PAPPA2: variants seen among roughly 807,000 people sequenced by gnomAD.
PAPPA2 encodes pappalysin-2.
A neutral mutation model predicts 176.4 loss-of-function variants in PAPPA2; 86 were observed. The observed-to-expected ratio is 0.49, with a 90% CI of 0.41 to 0.58. PAPPA2 has a LOEUF of 0.58. Among genes scored for constraint, PAPPA2 ranks in the 20% least tolerant of loss-of-function variants. PAPPA2 has a pLI of 0.00. For missense variants in PAPPA2, 2,073 were observed against 2,256.9 expected, an observed-to-expected ratio of 0.92 and a Z score of 1.65; for synonymous variants, 809 against 852.2, an observed-to-expected ratio of 0.95 and a Z score of 0.88.
At chr1:176,792,713 A>AT (rs1467827981) in intron 19 of PAPPA2, among the ~76,000 whole-genome samples, 2 of 151,352 alleles carry the variant, frequency 1.3e-5, no homozygotes, top group Non-Finnish European at 2.9e-5. Context: ...AAGTATAATA[A>AT]AAAAAAAGTT....
chr1:176,830,015 G>T (rs896485299), intron 21 of PAPPA2, among the ~76,000 whole-genome samples: 2 of 152,194 alleles, frequency 1.3e-5, no homozygotes, highest in Non-Finnish European at 2.9e-5. Flanking sequence ...CTGTTTTCAG[G>T]TGATATTTTG....
chr1:176,687,245 T>G (rs1051800273), intron 4 of PAPPA2, among the ~76,000 whole-genome samples: 1 of 152,182 alleles, frequency 6.6e-6, no homozygotes, highest in African/African-American at 2.4e-5. Flanking sequence ...TAAGTGTTGT[T>G]TGGTTAAAAC....
intron 2 of PAPPA2, among the ~76,000 whole-genome samples, chr1:176,564,726 T>TC (rs1553364504): frequency 2.0e-5 from 3 of 150,718 alleles, no homozygotes; most frequent in African/African-American, 7.4e-5. Flanking sequence ...CCTTTTCTTT[T>TC]TTTTTTTTTT....
chr1:176,494,515 A>G (rs182303335), intron 1 of PAPPA2, among the ~76,000 whole-genome samples: 191 of 152,288 alleles, frequency 1.3e-3, no homozygotes, highest in Non-Finnish European at 2.3e-3. Context: ...CACCAGCAAA[A>G]CTTTTGGCAT....
chr1:176,725,745 A>G (rs1036199026), intron 12 of PAPPA2, among the ~76,000 whole-genome samples: 1 of 152,226 alleles, frequency 6.6e-6, no homozygotes, highest in Admixed American at 6.5e-5. Context: ...CATTTTAATC[A>G]TAACAGATTT....
chr1:176,742,157 T>G (rs1662707932), intron 14 of PAPPA2, among the ~76,000 whole-genome samples: 1 of 152,232 alleles, frequency 6.6e-6, no homozygotes, highest in Admixed American at 6.5e-5. Context: ...TTCTTTCTCA[T>G]TAAACTCTGA....
At chr1:176,691,926 C>T (rs1223510315) in intron 5 of PAPPA2, among the ~76,000 whole-genome samples, 200 bp from the exon 6 acceptor site, 1 of 152,218 alleles carries the variant, frequency 6.6e-6, no homozygotes, top group Admixed American at 6.5e-5. Context: ...TGCTGCATCT[C>T]TGGTCTCTGT....
At chr1:176,485,284 A>G (rs912892433) in intron 1 of PAPPA2, among the ~76,000 whole-genome samples, 1 of 152,192 alleles carries the variant, frequency 6.6e-6, no homozygotes, top group African/African-American at 2.4e-5. Flanking sequence ...ATGGCTTTCA[A>G]GTCCCTAATG....
intron 6 of PAPPA2, 125 bp from the exon 7 acceptor site, chr1:176,695,613 A>T: frequency 9.5e-7 from 1 of 1,048,286 alleles, no homozygotes; most frequent in Non-Finnish European, 1.4e-6. Context: ...GTTCTTAGTT[A>T]CTCTCTAGGT....
chr1:176,614,020 A>G (rs1165398984), intron 3 of PAPPA2, among the ~76,000 whole-genome samples: 2 of 152,186 alleles, frequency 1.3e-5, no homozygotes, highest in Non-Finnish European at 2.9e-5. Flanking sequence ...GCCACAGGAG[A>G]GGTTGGGAAA....
intron 3 of PAPPA2, among the ~76,000 whole-genome samples, chr1:176,624,855 G>A (rs1163739497): frequency 1.3e-5 from 2 of 152,140 alleles, no homozygotes; most frequent in East Asian, 3.9e-4. Context: ...GTCAGGGCTG[G>A]GACAGAGCAA....
rs1398669328 is a variant in PAPPA2 at position 176,765,779 on chromosome 1, C to A, written c.4265C>A (p.Thr1422Asn). 1 of 1,614,144 alleles carries A rather than the reference C, an allele frequency of 6.2e-7. No homozygotes were observed. The highest frequency in any genetic ancestry group is 8.5e-7 in the Non-Finnish European group (1 of 1,180,030). Residue 1422 changes from threonine to asparagine, a missense_variant, in exon 15 of 23, where the codon ACT becomes AAT. By Grantham distance (65) the Thr-to-Asn change is moderately conservative. Around this residue, in one of 4 missense-constraint regions of PAPPA2, gnomAD observed 846 missense variants for 857.9 expected, o/e 0.99. Transcript: ENST00000367662. ...CCAGGTCTCATGAAGTGTGCTATCA[C>A]TTGTCAAAGGGGATTTGCCCTTCAG... ...IGPGLMKCAI[T>N]CQRGFALQAS...
intron 3 of PAPPA2, among the ~76,000 whole-genome samples, chr1:176,654,879 A>G (rs191091441): frequency 6.6e-6 from 1 of 151,750 alleles, no homozygotes; most frequent in African/African-American, 2.4e-5. Flanking sequence ...TTTGATCATT[A>G]TTGATGTATA....
At chr1:176,567,512 G>A (rs1351454217) in intron 2 of PAPPA2, among the ~76,000 whole-genome samples, 1 of 152,122 alleles carries the variant, frequency 6.6e-6, no homozygotes, top group African/African-American at 2.4e-5. Context: ...TCTACATTCT[G>A]GGAAGGTTAT....
intron 3 of PAPPA2, among the ~76,000 whole-genome samples, chr1:176,665,325 T>C (rs187283582): frequency 3.0e-4 from 45 of 152,232 alleles, no homozygotes; most frequent in African/African-American, 9.4e-4. Flanking sequence ...CTATTTACCA[T>C]TGGACACTGG....
At chr1:176,577,458 C>G (rs577494105) in intron 2 of PAPPA2, among the ~76,000 whole-genome samples, 131 of 152,208 alleles carry the variant, frequency 8.6e-4, no homozygotes, top group Non-Finnish European at 1.6e-3. Context: ...GAAACAGTCC[C>G]CAGGAGGTTT....
At chr1:176,730,916 T>C (rs543136032) in intron 12 of PAPPA2, among the ~76,000 whole-genome samples, 1 of 152,256 alleles carries the variant, frequency 6.6e-6, no homozygotes, top group Non-Finnish European at 1.5e-5. Flanking sequence ...ATAACTTTTA[T>C]TGTGCCAGCT....
chr1:176,738,651 C>A (rs1662529700), intron 12 of PAPPA2, among the ~76,000 whole-genome samples: 1 of 152,096 alleles, frequency 6.6e-6, no homozygotes, highest in Admixed American at 6.6e-5. Context: ...TCATACAACA[C>A]CAATATAACA....
At chr1:176,676,498 T>C (rs1179005555) in intron 4 of PAPPA2, among the ~76,000 whole-genome samples, 1 of 152,076 alleles carries the variant, frequency 6.6e-6, no homozygotes, top group Non-Finnish European at 1.5e-5. Flanking sequence ...GGTGTAACAT[T>C]TCACATTTGC....
Sources: allele counts gnomAD v4.1 joint callset (sites outside exome capture counted in the v4.1 genomes callset), GRCh38; gene constraint gnomAD v4.1.1; regional missense constraint gnomAD v4.1.1; transcripts MANE v1.5; gene names NCBI Gene and HGNC (gene_info 2026-07-23, HGNC 2026-07-21).